The following GRM7 variants were observed in gnomAD, a reference collection of about 807,000 sequenced individuals.
The protein encoded by GRM7 is glutamate metabotropic receptor 7, also known as metabotropic glutamate receptor 7.
Under a neutral mutation model 84.5 loss-of-function variants are expected in GRM7, and 35 were observed. The ratio of observed to expected loss-of-function variants is 0.41; its 90% CI spans 0.32 to 0.55. GRM7 has a LOEUF of 0.55. Among genes scored for constraint, GRM7 ranks in the 20% least tolerant of loss-of-function variants. GRM7 has a pLI of 0.19. For synonymous variants in GRM7, 487 were observed against 455.1 expected, an observed-to-expected ratio of 1.07 and a Z score of -0.89; for missense variants, 1,003 against 1,194.6, an observed-to-expected ratio of 0.84 and a Z score of 2.36.
chr3:7,423,035 G>T (rs1359783068), intron 5 of GRM7, among the ~76,000 whole-genome samples: 3 of 152,130 alleles, frequency 2.0e-5, no homozygotes, highest in Non-Finnish European at 4.4e-5. Flanking sequence ...TCAGCCTTAT[G>T]AAATAGAGGT....
At chr3:7,345,616 G>A (rs552965842) in intron 4 of GRM7, among the ~76,000 whole-genome samples, 5 of 152,074 alleles carry the variant, frequency 3.3e-5, no homozygotes, top group African/African-American at 9.6e-5. Flanking sequence ...GCTGATGCCC[G>A]GCAGAAATTG....
intron 2 of GRM7, among the ~76,000 whole-genome samples, chr3:7,205,631 A>T (rs967146479): frequency 3.9e-5 from 6 of 152,250 alleles, no homozygotes; most frequent in African/African-American, 1.4e-4. Context: ...GGATGAATTT[A>T]ACATTTGAAA....
intron 8 of GRM7, among the ~76,000 whole-genome samples, chr3:7,650,344 G>A (rs769511785): frequency 7.2e-5 from 11 of 152,118 alleles, no homozygotes; most frequent in South Asian, 2.1e-4. Context: ...GATAGTAATG[G>A]TACCCATCTA....
At chr3:7,352,418 A>G (rs1693201614) in intron 4 of GRM7, among the ~76,000 whole-genome samples, 2 of 152,130 alleles carry the variant, frequency 1.3e-5, no homozygotes, top group Admixed American at 1.3e-4. Flanking sequence ...AAATAAAAGG[A>G]TAAGCTCTGG....
chr3:7,214,360 CCAAA>C (rs776160476), intron 2 of GRM7, among the ~76,000 whole-genome samples: 25 of 152,272 alleles, frequency 1.6e-4, no homozygotes, highest in Non-Finnish European at 2.1e-4. Context: ...CTCATGTGTT[CCAAA>C]CAATGTTCTA....
At chr3:7,327,531 A>G (rs1701035035) in intron 4 of GRM7, among the ~76,000 whole-genome samples, 2 of 152,188 alleles carry the variant, frequency 1.3e-5, no homozygotes. Context: ...ATTTATTCAT[A>G]TATTTAACAT....
intron 8 of GRM7, among the ~76,000 whole-genome samples, chr3:7,595,700 G>T (rs766369123): frequency 2.4e-4 from 37 of 152,140 alleles, no homozygotes; most frequent in South Asian, 8.3e-4. Context: ...ATAACTGGGG[G>T]TGGGGGTAGG....
chr3:6,973,851 G>A (rs1470002849), intron 1 of GRM7, among the ~76,000 whole-genome samples: 1 of 152,136 alleles, frequency 6.6e-6, no homozygotes, highest in African/African-American at 2.4e-5. Context: ...TAGCAGCTAT[G>A]GTAAGGACTT....
At chr3:7,377,742 A>G (rs1376798565) in intron 4 of GRM7, among the ~76,000 whole-genome samples, 1 of 152,202 alleles carries the variant, frequency 6.6e-6, no homozygotes, top group African/African-American at 2.4e-5. Flanking sequence ...TCAAGCAGCA[A>G]CTTGGAAAGA....
chr3:7,502,624 C>T (rs1699918624), intron 7 of GRM7, among the ~76,000 whole-genome samples: 1 of 151,920 alleles, frequency 6.6e-6, no homozygotes, highest in Admixed American at 6.6e-5. Context: ...GTATGATTGC[C>T]CTACTTAATA....
chr3:7,527,693 G>C (rs189586139), intron 7 of GRM7, among the ~76,000 whole-genome samples: 1 of 152,024 alleles, frequency 6.6e-6, no homozygotes, highest in East Asian at 1.9e-4. Context: ...TTATTTTGAG[G>C]AGTGTTCCTT....
intron 1 of GRM7, among the ~76,000 whole-genome samples, chr3:7,026,335 C>A (rs889533139): frequency 6.6e-6 from 1 of 152,174 alleles, no homozygotes. Flanking sequence ...AAAAGAAATA[C>A]CATCATATGA....
At chr3:7,190,746 C>T (rs1695683818) in intron 2 of GRM7, among the ~76,000 whole-genome samples, 2 of 152,138 alleles carry the variant, frequency 1.3e-5, no homozygotes, top group South Asian at 4.1e-4. Flanking sequence ...AAGCAGAGAG[C>T]ACCCAGTGTG....
intron 1 of GRM7, among the ~76,000 whole-genome samples, chr3:7,059,900 A>T (rs1331935822): frequency 1.3e-5 from 2 of 151,830 alleles, no homozygotes; most frequent in African/African-American, 4.8e-5. Flanking sequence ...GAACTATGAG[A>T]AAGATATTTC....
rs530199576 is a variant in GRM7 at position 7,312,776 on chromosome 3, AT to A, written c.1033+6125del. 7.8e-4 allele frequency among the ~76,000 whole-genome samples: 118 copies of A among 152,086 alleles called. 1 individual carries two copies. The highest frequency in any genetic ancestry group is 2.6e-3 in the African/African-American group (109 of 41,492). ...TATTTCCCTCCCTTAGAAAAAAAAA[AT>A]GTCATGTTAATAGGGCAACTATATA... is the stretch of plus-strand genomic sequence containing the variant. On this transcript the variant is annotated intron_variant, in intron 4 of 9. Transcript: ENST00000357716.
At chr3:7,166,294 T>C (rs1332750401) in intron 2 of GRM7, among the ~76,000 whole-genome samples, 1 of 152,328 alleles carries the variant, frequency 6.6e-6, no homozygotes, top group African/African-American at 2.4e-5. Context: ...CTTATACCTG[T>C]AACATTGTGA....
At chr3:7,012,719 C>G (rs1043292057) in intron 1 of GRM7, among the ~76,000 whole-genome samples, 4 of 152,072 alleles carry the variant, frequency 2.6e-5, no homozygotes, top group African/African-American at 9.7e-5. Flanking sequence ...ACAAATAGGC[C>G]TTGCTAAGTT....
intron 7 of GRM7, among the ~76,000 whole-genome samples, chr3:7,515,544 G>C (rs73117812): frequency 6.5e-4 from 99 of 152,240 alleles, no homozygotes; most frequent in African/African-American, 2.3e-3. Flanking sequence ...AAATCAAATT[G>C]TCAGTGTTTT....
At chr3:6,914,412 G>GT (rs1039904311) in intron 1 of GRM7, among the ~76,000 whole-genome samples, 34 of 150,800 alleles carry the variant, frequency 2.3e-4, no homozygotes, top group Middle Eastern at 3.5e-3. Flanking sequence ...CTATTTAGGT[G>GT]TTTTTTTTTG....
Sources: allele counts gnomAD v4.1 joint callset (sites outside exome capture counted in the v4.1 genomes callset), GRCh38; gene constraint gnomAD v4.1.1; transcripts MANE v1.5; gene names NCBI Gene and HGNC (gene_info 2026-07-23, HGNC 2026-07-21).